Variants in NLGN1 observed in about 807,000 individuals in gnomAD.
NLGN1 encodes neuroligin 1, also known as neuroligin-1.
NLGN1 carries 12 observed loss-of-function variants against 65.5 expected under a neutral mutation model. That is an observed-to-expected ratio of 0.18 (90% CI 0.12 to 0.30). The LOEUF is 0.30. Among genes scored for constraint, NLGN1 ranks in the 10% least tolerant of loss-of-function variants. The pLI, the probability that NLGN1 is intolerant of heterozygous loss-of-function variation, is 1.00. For synonymous variants in NLGN1, 350 were observed against 359.5 expected (o/e 0.97, Z 0.30); for missense variants, 750 against 1,007.1 (o/e 0.74, Z 3.46).
chr3:174,193,331 T>G (rs937083428), intron 4 of NLGN1, among the ~76,000 whole-genome samples: 1 of 152,140 alleles, frequency 6.6e-6, no homozygotes, highest in Non-Finnish European at 1.5e-5. Context: ...TTCCATATAC[T>G]CTCTACCTCA....
At chr3:174,048,696 A>T (rs75201548) in intron 4 of NLGN1, among the ~76,000 whole-genome samples, 2 of 152,100 alleles carry the variant, frequency 1.3e-5, no homozygotes, top group Non-Finnish European at 2.9e-5. Flanking sequence ...ACAGAGAAAT[A>T]CAGAAATCAA....
At chr3:173,511,829 C>T (rs1413205420) in intron 2 of NLGN1, among the ~76,000 whole-genome samples, 1 of 152,000 alleles carries the variant, frequency 6.6e-6, no homozygotes, top group Non-Finnish European at 1.5e-5. Context: ...TTACATTATC[C>T]ATCTGTATTT....
intron 1 of NLGN1, among the ~76,000 whole-genome samples, chr3:173,420,591 C>A (rs547228977): frequency 2.0e-3 from 310 of 152,200 alleles, no homozygotes; most frequent in African/African-American, 7.1e-3. Context: ...TGGGTATATA[C>A]CCAGTAATGG....
At chr3:173,666,456 T>G (rs560781654) in intron 3 of NLGN1, among the ~76,000 whole-genome samples, 147 of 152,270 alleles carry the variant, frequency 9.7e-4, no homozygotes, top group African/African-American at 3.5e-3. Context: ...AAAAAATGCC[T>G]AATGTATTGG....
chr3:174,040,633 CAT>C (rs983294379), intron 4 of NLGN1, among the ~76,000 whole-genome samples: 7 of 151,788 alleles, frequency 4.6e-5, no homozygotes, highest in African/African-American at 1.7e-4. Context: ...ATTTGCAAAA[CAT>C]ATATTTGAGA....
In NLGN1 at chr3:174,280,496, A is replaced by AAT. The variant is rs1751355941; in HGVS notation, c.1665_1666insAT (p.Val556MetfsTer19). ...TCCTTCTTAGTGACCCAAATCAACC[A>AAT]GTCCCTCAAGACACGAAATTCATTC... On this transcript the variant is annotated frameshift_variant, in exon 7 of 7. Coordinates refer to ENST00000457714, the Ensembl canonical transcript of NLGN1. LOFTEE classifies it high-confidence loss of function. The surrounding 1 kb of genome is among the most constrained non-coding windows in gnomAD (Gnocchi z 4.9). 1.2e-6 allele frequency: 2 copies of AAT among 1,600,770 alleles called. No individual in the cohort carries two copies. The highest frequency in any genetic ancestry group is 1.7e-5 in the Admixed American group (1 of 57,434).
chr3:173,418,415 A>T (rs1272680933), intron 1 of NLGN1, among the ~76,000 whole-genome samples: 1 of 152,106 alleles, frequency 6.6e-6, no homozygotes, highest in East Asian at 1.9e-4. Flanking sequence ...ACTTTAAATT[A>T]TTTCAATGTA....
At chr3:173,399,421 A>G (rs188306650) in intron 1 of NLGN1, among the ~76,000 whole-genome samples, 3 of 152,272 alleles carry the variant, frequency 2.0e-5, no homozygotes, top group South Asian at 2.1e-4. Flanking sequence ...CTTGCTGTCA[A>G]TCTTTTCTTT....
At chr3:174,040,681 G>A (rs1159141945) in intron 4 of NLGN1, among the ~76,000 whole-genome samples, 2 of 151,904 alleles carry the variant, frequency 1.3e-5, no homozygotes, top group Non-Finnish European at 2.9e-5. Context: ...AAATTCTGGG[G>A]TGTTAGGAAT....
intron 4 of NLGN1, among the ~76,000 whole-genome samples, chr3:174,113,091 G>C (rs1561071699): frequency 6.6e-6 from 1 of 151,834 alleles, no homozygotes; most frequent in Non-Finnish European, 1.5e-5. Context: ...GGAAGAAGAG[G>C]CTACTTAAAA....
intron 4 of NLGN1, among the ~76,000 whole-genome samples, chr3:174,014,878 T>G (rs1237605265): frequency 6.6e-6 from 1 of 152,118 alleles, no homozygotes; most frequent in East Asian, 1.9e-4. Context: ...AGTAGAGGCT[T>G]CATAAAAGAT....
At chr3:173,539,864 GTTATATATATC>G (rs1738499333) in intron 2 of NLGN1, among the ~76,000 whole-genome samples, 1 of 117,302 alleles carries the variant, frequency 8.5e-6, no homozygotes, top group Admixed American at 9.1e-5. Context: ...TTATGTATGT[GTTATATATATC>G]TTATATATAT....
chr3:174,263,821 C>G (rs371013544), intron 4 of NLGN1, among the ~76,000 whole-genome samples: 1 of 151,400 alleles, frequency 6.6e-6, no homozygotes, highest in Non-Finnish European at 1.5e-5. Flanking sequence ...GCGGCTGGTA[C>G]CGGTTGTTCC....
intron 3 of NLGN1, among the ~76,000 whole-genome samples, chr3:173,624,817 A>G (rs751432030): frequency 1.4e-5 from 2 of 147,396 alleles, no homozygotes; most frequent in Non-Finnish European, 3.0e-5. Context: ...GGTTTTAAAT[A>G]GGAAGATGAC....
intron 2 of NLGN1, among the ~76,000 whole-genome samples, chr3:173,592,081 A>G (rs1202199317): frequency 1.3e-5 from 2 of 152,110 alleles, no homozygotes; most frequent in African/African-American, 2.4e-5. Flanking sequence ...ATGACTTTTG[A>G]ATAACATTCT....
chr3:173,924,258 A>G (rs28748059), intron 4 of NLGN1, among the ~76,000 whole-genome samples: 1,540 of 152,262 alleles, frequency 0.01, 20 homozygotes, highest in African/African-American at 0.035. Context: ...TTAAATTTAA[A>G]TTTCTATTTA....
chr3:173,578,020 A>C (rs1745793477), intron 2 of NLGN1, among the ~76,000 whole-genome samples: 1 of 152,044 alleles, frequency 6.6e-6, no homozygotes, highest in Admixed American at 6.6e-5. Context: ...GTGGATCACG[A>C]GGTCAGGAGA....
At position 174,283,295 on chromosome 3, in the gene NLGN1, A is replaced by AAATT. The variant is rs573202654; in HGVS notation, c.*1994_*1997dup. On this transcript the variant is annotated 3_prime_UTR_variant, in exon 7 of 7. Coordinates refer to ENST00000457714, the Ensembl canonical transcript of NLGN1. ...GTCTCATCTAAGATGAAACTCATAAAAATTATTTAATGTTTGTTATGAATT... is the reference window on the plus strand; with the variant it reads ...GTCTCATCTAAGATGAAACTCATAAAAATTAATTATTTAATGTTTGTTATGAATT... The AAATT allele has an allele frequency of 2.6e-5, 4 of 151,570 alleles. No homozygotes were observed. In the South Asian group the frequency reaches 8.3e-4, roughly 31 times the overall value. 9.4% of individuals were successfully genotyped at this position (151,570 alleles called of 1,614,324 possible). A position where few individuals can be genotyped will look rare whatever the true frequency, so the allele number is the denominator to read the frequency against.
chr3:174,033,250 C>A (rs1730420630), intron 4 of NLGN1, among the ~76,000 whole-genome samples: 1 of 152,108 alleles, frequency 6.6e-6, no homozygotes, highest in African/African-American at 2.4e-5. Flanking sequence ...GAAGATAAAA[C>A]AAGGACAAAG....
Sources: gnomAD v4.1 joint callset for allele counts (sites outside exome capture counted in the v4.1 genomes callset) on GRCh38, gnomAD v4.1.1 for gene constraint, Gnocchi (gnomAD v3.1) non-coding constraint, MANE v1.5 for transcripts, NCBI Gene and HGNC (gene_info 2026-07-23, HGNC 2026-07-21) for gene names.